GALNTL6: variants seen among roughly 807,000 people sequenced by gnomAD.
GALNTL6 encodes the protein polypeptide N-acetylgalactosaminyltransferase-like 6.
In GALNTL6, 46 loss-of-function variants were observed where a neutral mutation model predicts 73.7. The observed-to-expected ratio is 0.62, with a 90% CI of 0.49 to 0.80. GALNTL6 has a LOEUF of 0.80. Ranked by LOEUF, GALNTL6 falls within the 30% of genes least tolerant of loss-of-function variation. The pLI is 0.00. For synonymous variants in GALNTL6, 259 were observed against 263.7 expected (o/e 0.98, Z 0.17); for missense variants, 604 against 755.0 (o/e 0.80, Z 2.34).
At chr4:172,050,321 T>C (rs1730812134) in intron 2 of GALNTL6, among the ~76,000 whole-genome samples, 1 of 152,098 alleles carries the variant, frequency 6.6e-6, no homozygotes, top group Non-Finnish European at 1.5e-5. Context: ...TAAGAGCAAG[T>C]GTAAATTTCA....
At chr4:172,609,601 T>TTA (rs1553964682) in intron 5 of GALNTL6, among the ~76,000 whole-genome samples, 4 of 113,854 alleles carry the variant, frequency 3.5e-5, no homozygotes, top group African/African-American at 1.0e-4. Flanking sequence ...GCCTGAAGTT[T>TTA]TCTCTCTCTC....
chr4:172,372,152 AT>A (rs1050546375), intron 5 of GALNTL6, among the ~76,000 whole-genome samples: 6 of 152,142 alleles, frequency 3.9e-5, no homozygotes, highest in Non-Finnish European at 8.8e-5. Flanking sequence ...TTCTCCACAA[AT>A]GAGCTTCCAT....
intron 5 of GALNTL6, among the ~76,000 whole-genome samples, chr4:172,718,557 G>T (rs1380057818): frequency 6.6e-6 from 1 of 152,048 alleles, no homozygotes; most frequent in Non-Finnish European, 1.5e-5. Context: ...AGGATCACTT[G>T]AGCCTGGGAG....
chr4:172,081,552 C>T (rs1731879392), intron 2 of GALNTL6, among the ~76,000 whole-genome samples: 1 of 152,200 alleles, frequency 6.6e-6, no homozygotes, highest in Non-Finnish European at 1.5e-5. Flanking sequence ...GCAGGATAAT[C>T]ACTTGAACCT....
intron 5 of GALNTL6, among the ~76,000 whole-genome samples, chr4:172,555,487 A>T (rs1389278077): frequency 6.6e-6 from 1 of 152,094 alleles, no homozygotes; most frequent in East Asian, 1.9e-4. Flanking sequence ...CAGGGACATA[A>T]CTTGCCCCTG....
intron 2 of GALNTL6, among the ~76,000 whole-genome samples, chr4:171,926,619 A>T (rs931639917): frequency 6.6e-6 from 1 of 152,112 alleles, no homozygotes; most frequent in African/African-American, 2.4e-5. Flanking sequence ...AGCATTTGTT[A>T]TTTAAAAAAC....
chr4:173,019,004 T>C (rs749162068), intron 11 of GALNTL6, among the ~76,000 whole-genome samples: 23 of 152,190 alleles, frequency 1.5e-4, no homozygotes, highest in Non-Finnish European at 2.4e-4. Context: ...TTGGAGATCA[T>C]TGCAAGAGCT....
At chr4:172,381,629 T>C (rs1375459728) in intron 5 of GALNTL6, among the ~76,000 whole-genome samples, 1 of 152,210 alleles carries the variant, frequency 6.6e-6, no homozygotes, top group Non-Finnish European at 1.5e-5. Flanking sequence ...GCTATAACAA[T>C]AATGAAATAT....
intron 5 of GALNTL6, among the ~76,000 whole-genome samples, chr4:172,598,527 T>G (rs890199067): frequency 3.3e-5 from 5 of 152,170 alleles, no homozygotes; most frequent in African/African-American, 1.2e-4. Context: ...ACATTTCCAG[T>G]TGTAAGACTA....
chr4:172,116,030 A>C (rs762262246), intron 2 of GALNTL6, among the ~76,000 whole-genome samples: 3 of 152,074 alleles, frequency 2.0e-5, no homozygotes, highest in Non-Finnish European at 4.4e-5. Context: ...CCTAGATACA[A>C]TAGGTTTTAA....
intron 5 of GALNTL6, among the ~76,000 whole-genome samples, chr4:172,741,996 A>G (rs1394293118): frequency 6.6e-6 from 1 of 151,926 alleles, no homozygotes; most frequent in Non-Finnish European, 1.5e-5. Flanking sequence ...ATTATTAATA[A>G]AAATAAGAAA....
chr4:172,050,877 G>A (rs879569554), intron 2 of GALNTL6, among the ~76,000 whole-genome samples: 8 of 152,092 alleles, frequency 5.3e-5, no homozygotes, highest in Non-Finnish European at 1.0e-4. Context: ...AATGAACTTA[G>A]GAAATACTGG....
At chr4:171,871,530 C>A (rs28412943) in intron 2 of GALNTL6, among the ~76,000 whole-genome samples, 1 of 151,914 alleles carries the variant, frequency 6.6e-6, no homozygotes, top group Non-Finnish European at 1.5e-5. Context: ...TCACTCCCTT[C>A]GCCCCTCATT....
chr4:172,595,326 G>T (rs1171578941), intron 5 of GALNTL6, among the ~76,000 whole-genome samples: 2 of 152,148 alleles, frequency 1.3e-5, no homozygotes, highest in African/African-American at 4.8e-5. Flanking sequence ...TTTTAAGTGA[G>T]AATTTTAAGA....
Position 172,837,230 on chromosome 4 carries a change from C to A in GALNTL6, c.923+23507C>A, listed in dbSNP as rs2111072033. Among the ~76,000 whole-genome samples the A allele has an allele frequency of 1.3e-5, 2 of 152,252 alleles. 1 individual carries two copies. The highest frequency in any genetic ancestry group is 4.1e-4 in the South Asian group (2 of 4,826). On this transcript the variant is annotated intron_variant, in intron 7 of 12. Coordinates refer to ENST00000506823, the MANE Select transcript of GALNTL6 (RefSeq NM_001034845.3). ...AGTAGTTCATCATAAAGAATTGTTT[C>A]AATTTTCTTTAAACATCAAAATATT... is the stretch of plus-strand genomic sequence containing the variant.
At chr4:172,564,531 G>C (rs1387627767) in intron 5 of GALNTL6, among the ~76,000 whole-genome samples, 2 of 152,196 alleles carry the variant, frequency 1.3e-5, no homozygotes, top group African/African-American at 4.8e-5. Context: ...TAAATTAAAA[G>C]CTGAATGGAA....
intron 5 of GALNTL6, among the ~76,000 whole-genome samples, chr4:172,727,626 A>G (rs1279251231): frequency 6.6e-6 from 1 of 152,058 alleles, no homozygotes; most frequent in African/African-American, 2.4e-5. Flanking sequence ...CATGCTATTA[A>G]TTTTTTCATA....
Position 172,410,094 on chromosome 4 carries a change from A to T in GALNTL6, c.553+61405A>T, listed in dbSNP as rs1023175228. 5.9e-5 allele frequency among the ~76,000 whole-genome samples: 9 copies of T among 152,138 alleles called. No homozygotes were observed. The East Asian group carries it at 1.7e-3, about 29-fold the overall frequency. On this transcript the variant is annotated intron_variant, in intron 5 of 12. Coordinates refer to ENST00000506823, the MANE Select transcript of GALNTL6 (RefSeq NM_001034845.3). Reference sequence around the variant, plus strand: ...TCATTAAAAACAAGATACCACAATCACTTTCAAAATTTAAATTAAAAATTT... The same window carrying T: ...TCATTAAAAACAAGATACCACAATCTCTTTCAAAATTTAAATTAAAAATTT...
Position 172,839,406 on chromosome 4 carries a change from A to C in GALNTL6, c.923+25683A>C, listed in dbSNP as rs1003710472. 3.3e-5 allele frequency among the ~76,000 whole-genome samples: 5 copies of C among 152,216 alleles called. No individual in the cohort carries two copies. The East Asian group carries it at 5.8e-4, about 18-fold the overall frequency. On this transcript the variant is annotated intron_variant, in intron 7 of 12. Transcript: ENST00000506823. ...TCTTAATATCACTATGACCTTCTGC[A>C]AGGAAACTGACTAATTTAAATAAAA...
Sources: gnomAD v4.1 joint callset for allele counts (sites outside exome capture counted in the v4.1 genomes callset) on GRCh38, gnomAD v4.1.1 for gene constraint, MANE v1.5 for transcripts, NCBI Gene and HGNC (gene_info 2026-07-23, HGNC 2026-07-21) for gene names.